The following NRXN3 variants were observed in gnomAD, a reference collection of about 807,000 sequenced individuals.
NRXN3 encodes neurexin III.
NRXN3 carries 32 observed loss-of-function variants against 137.6 expected under a neutral mutation model. That is an observed-to-expected ratio of 0.23 (90% confidence interval 0.18 to 0.31). NRXN3 has a LOEUF of 0.31. Among genes scored for constraint, NRXN3 ranks in the 10% least tolerant of loss-of-function variants. The pLI is 1.00. For missense variants in NRXN3, 1,574 were observed against 2,062.5 expected (o/e 0.76, Z 4.59); for synonymous variants, 798 against 784.5 (o/e 1.02, Z -0.29).
chr14:79,380,190 T>C (rs2094429274), intron 15 of NRXN3, among the ~76,000 whole-genome samples: 1 of 148,902 alleles, frequency 6.7e-6, no homozygotes, highest in South Asian at 2.1e-4. Context: ...TATTTATTTA[T>C]TTATTTTTAT....
rs191451678 is a variant in NRXN3, at chr14:78,881,026, T to G, written c.2275+70682T>G. On this transcript the variant is annotated intron_variant, in intron 10 of 20. Coordinates refer to ENST00000335750, the MANE Select transcript of NRXN3 (RefSeq NM_001330195.2). ...TGATAGTGAGTGAGTTCTCACAAGA[T>G]TTGATGGTTTCATAAGGGGATTTTC... Among the ~76,000 whole-genome samples the G allele has an allele frequency of 7.5e-3, 1,128 of 150,388 alleles. 24 individuals are homozygous for G. Among genetic ancestry groups the G allele is most frequent in the African/African-American group, 0.026 (1,053 of 39,826 alleles).
At chr14:79,239,621 TC>T (rs1454420234) in intron 15 of NRXN3, among the ~76,000 whole-genome samples, 1 of 151,954 alleles carries the variant, frequency 6.6e-6, no homozygotes, top group African/African-American at 2.4e-5. Context: ...AAAATAGAAC[TC>T]CCATATGATT....
chr14:78,390,643 C>CT (rs1172423100), intron 4 of NRXN3, among the ~76,000 whole-genome samples: 5 of 152,176 alleles, frequency 3.3e-5, no homozygotes, highest in African/African-American at 9.7e-5. Context: ...TCTTCCGAGT[C>CT]TAACTTCTCT....
intron 15 of NRXN3, among the ~76,000 whole-genome samples, chr14:79,269,306 C>G (rs945643577): frequency 6.6e-5 from 10 of 152,152 alleles, no homozygotes; most frequent in African/African-American, 2.4e-4. Flanking sequence ...ACCTTGGCCT[C>G]CCAAAGTGCT....
chr14:79,531,113 A>G (rs961426804), intron 16 of NRXN3, among the ~76,000 whole-genome samples: 2 of 152,228 alleles, frequency 1.3e-5, no homozygotes, highest in Non-Finnish European at 2.9e-5. Flanking sequence ...TTTAAATACC[A>G]GCTTAATTAG....
intron 15 of NRXN3, among the ~76,000 whole-genome samples, chr14:79,376,263 T>TAC (rs1566950633): frequency 5.1e-5 from 3 of 58,612 alleles, no homozygotes; most frequent in African/African-American, 1.4e-4. Context: ...TATATATATA[T>TAC]ATACACATAC....
intron 4 of NRXN3, among the ~76,000 whole-genome samples, chr14:78,525,637 A>C (rs958184421): frequency 7.2e-5 from 11 of 152,134 alleles, no homozygotes; most frequent in Non-Finnish European, 1.0e-4. Context: ...ACTTCATCCC[A>C]TTGGGAATTC....
chr14:78,649,232 A>G (rs1434994554), intron 5 of NRXN3: 3 of 1,334,376 alleles, frequency 2.2e-6, no homozygotes, highest in Admixed American at 2.2e-5. Flanking sequence ...TCTGTTCACA[A>G]TTTTTAATTT....
intron 15 of NRXN3, among the ~76,000 whole-genome samples, chr14:79,047,879 A>G (rs918421242): frequency 7.9e-5 from 12 of 152,194 alleles, no homozygotes; most frequent in Non-Finnish European, 1.5e-5. Context: ...AGTTTTTAAT[A>G]TAGTTAAACA....
intron 15 of NRXN3, among the ~76,000 whole-genome samples, chr14:79,320,805 T>C (rs1325415198): frequency 6.6e-6 from 1 of 152,002 alleles, no homozygotes; most frequent in Non-Finnish European, 1.5e-5. Context: ...ACGTGTCATA[T>C]GTGGATAGAT....
intron 1 of NRXN3, among the ~76,000 whole-genome samples, chr14:78,205,882 G>A (rs1408682823): frequency 2.0e-5 from 3 of 152,236 alleles, no homozygotes; most frequent in Non-Finnish European, 4.4e-5. Flanking sequence ...AGGGCTGAAT[G>A]CAAGGAGATA....
At chr14:78,568,531 G>A (rs935182852) in intron 4 of NRXN3, among the ~76,000 whole-genome samples, 1 of 152,142 alleles carries the variant, frequency 6.6e-6, no homozygotes, top group African/African-American at 2.4e-5. Context: ...AGGTATACCA[G>A]GTATCCCAGA....
intron 4 of NRXN3, among the ~76,000 whole-genome samples, chr14:78,610,037 A>G (rs1158626661): frequency 6.7e-6 from 1 of 149,484 alleles, no homozygotes; most frequent in Non-Finnish European, 1.5e-5. Flanking sequence ...AGAGGGAGGG[A>G]GAGAGAGAGA....
At chr14:78,337,569 G>A (rs1173232758) in intron 4 of NRXN3, among the ~76,000 whole-genome samples, 1 of 152,162 alleles carries the variant, frequency 6.6e-6, no homozygotes, top group Non-Finnish European at 1.5e-5. Flanking sequence ...GAACAAGGGA[G>A]TCTTTAAGAT....
chr14:79,791,660 C>A (rs1010981115), intron 19 of NRXN3, among the ~76,000 whole-genome samples: 2 of 151,762 alleles, frequency 1.3e-5, no homozygotes, highest in African/African-American at 4.8e-5. Flanking sequence ...AACTTGCCAC[C>A]TTATGGGCAC....
At chr14:78,644,450 T>G (rs1176409890) in intron 4 of NRXN3, among the ~76,000 whole-genome samples, 1 of 152,132 alleles carries the variant, frequency 6.6e-6, no homozygotes, top group East Asian at 1.9e-4. Flanking sequence ...CAGGATACCC[T>G]AGAGCAGAGA....
rs921287686 is a variant in NRXN3, at chr14:78,242,738, G to A, written c.-356G>A. On this transcript the variant is annotated 5_prime_UTR_variant, in exon 2 of 21. Transcript: ENST00000335750. Reference sequence around the variant, plus strand: ...TACTCTCCTGCACCTTCTCCTCCTTGAGTCAAGGCCTCCGGATCCACATGG... The same window carrying A: ...TACTCTCCTGCACCTTCTCCTCCTTAAGTCAAGGCCTCCGGATCCACATGG... 3 of 234,066 alleles carry A rather than the reference G, an allele frequency of 1.3e-5. No individual in the cohort carries two copies. Among genetic ancestry groups the A allele is most frequent in the African/African-American group, 6.8e-5 (3 of 44,188 alleles). The allele number at this position is 234,066 out of a possible 1,614,324, so 14.5% of individuals were successfully genotyped here.
intron 16 of NRXN3, among the ~76,000 whole-genome samples, chr14:79,485,481 A>G (rs1351616007): frequency 6.6e-6 from 1 of 152,150 alleles, no homozygotes. Flanking sequence ...AGGTATTTAT[A>G]GGCTGTGATC....
intron 15 of NRXN3, among the ~76,000 whole-genome samples, chr14:79,345,011 C>A (rs1242609962): frequency 6.6e-6 from 1 of 152,182 alleles, no homozygotes; most frequent in African/African-American, 2.4e-5. Context: ...GGGCTTCATC[C>A]AATATGCTCT....
Sources: gnomAD v4.1 joint callset for allele counts (sites outside exome capture counted in the v4.1 genomes callset) on GRCh38, gnomAD v4.1.1 for gene constraint, MANE v1.5 for transcripts, NCBI Gene and HGNC (gene_info 2026-07-23, HGNC 2026-07-21) for gene names.